BCAS3: variants seen among roughly 807,000 people sequenced by gnomAD.
The protein encoded by BCAS3 is BCAS4/BCAS3 fusion.
A neutral mutation model predicts 116.1 loss-of-function variants in BCAS3; 53 were observed. The observed-to-expected ratio is 0.46, with a 90% CI of 0.37 to 0.57. The LOEUF is 0.57. Ranked by LOEUF, BCAS3 falls within the 20% of genes least tolerant of loss-of-function variation. BCAS3 has a pLI of 0.00. For synonymous variants in BCAS3, 391 were observed against 408.2 expected, an observed-to-expected ratio of 0.96 and a Z score of 0.51; for missense variants, 917 against 1,165.4, an observed-to-expected ratio of 0.79 and a Z score of 3.10.
chr17:60,691,694 C>T (rs2034846371), intron 4 of BCAS3, among the ~76,000 whole-genome samples: 1 of 147,994 alleles, frequency 6.8e-6, no homozygotes, highest in Non-Finnish European at 1.5e-5. Context: ...TTGCCTTTTC[C>T]TTAAAGACTT....
intron 22 of BCAS3, among the ~76,000 whole-genome samples, chr17:61,099,963 C>G (rs959690492): frequency 6.6e-6 from 1 of 152,208 alleles, no homozygotes; most frequent in Non-Finnish European, 1.5e-5. Context: ...AGTTTAGTTA[C>G]TTGTACTTAT....
At chr17:61,296,240 A>G (rs1396357459) in intron 22 of BCAS3, among the ~76,000 whole-genome samples, 1 of 152,178 alleles carries the variant, frequency 6.6e-6, no homozygotes, top group East Asian at 1.9e-4. Context: ...GGTCATATGC[A>G]TTCTCCAAGT....
chr17:61,385,692 C>T (rs2059812225), intron 23 of BCAS3, among the ~76,000 whole-genome samples: 1 of 152,242 alleles, frequency 6.6e-6, no homozygotes, highest in Non-Finnish European at 1.5e-5. Flanking sequence ...CCCTGGGCCA[C>T]CCCGGAACCC....
chr17:60,771,348 A>G (rs2044685139), intron 6 of BCAS3, among the ~76,000 whole-genome samples: 1 of 151,972 alleles, frequency 6.6e-6, no homozygotes, highest in African/African-American at 2.4e-5. Context: ...CGGTATGGAG[A>G]CCAATACGTA....
intron 7 of BCAS3, among the ~76,000 whole-genome samples, chr17:60,812,845 T>G (rs577259753): frequency 1.3e-5 from 2 of 152,222 alleles, no homozygotes; most frequent in South Asian, 4.2e-4. Context: ...GCTCAAGAGA[T>G]CCTCCCATCT....
At position 61,141,479 on chromosome 17, in the gene BCAS3, G is replaced by A. The variant is rs2076911846; in HGVS notation, c.2425+56915G>A. ...AGGCTGAGGTGGAAGGATTCCTTGA[G>A]TCCAGGAGTTCGAGACTGCAGTGAG... On this transcript the variant is annotated intron_variant, in intron 22 of 23. Coordinates refer to ENST00000407086, the MANE Select transcript of BCAS3 (RefSeq NM_017679.5). The surrounding 1 kb of genome is among the most constrained non-coding windows in gnomAD (Gnocchi z 4.3). 6.6e-6 allele frequency among the ~76,000 whole-genome samples: 1 copy of A among 152,134 alleles called. No homozygotes were observed. The highest frequency in any genetic ancestry group is 6.5e-5 in the Admixed American group (1 of 15,278).
intron 23 of BCAS3, among the ~76,000 whole-genome samples, chr17:61,382,460 C>T (rs1166515982): frequency 2.0e-5 from 3 of 151,414 alleles, no homozygotes; most frequent in Admixed American, 6.6e-5. Context: ...TGGGGTTTCA[C>T]CATGTTGGTC....
At chr17:60,877,257 G>A (rs1399386608) in intron 9 of BCAS3, among the ~76,000 whole-genome samples, 1 of 151,924 alleles carries the variant, frequency 6.6e-6, no homozygotes, top group East Asian at 1.9e-4. Context: ...TCACATTGGG[G>A]TAAATCCAGA....
chr17:61,268,986 ATATACCCCATTTTCTTTATC>A (rs2050001319), intron 22 of BCAS3, among the ~76,000 whole-genome samples: 1 of 151,948 alleles, frequency 6.6e-6, no homozygotes, highest in South Asian at 2.1e-4. Flanking sequence ...ATATATATGT[ATATACCCCATTTTCTTTATC>A]CATTTATCCA....
chr17:61,386,706 G>A (rs1302871501), intron 23 of BCAS3, among the ~76,000 whole-genome samples: 1 of 151,846 alleles, frequency 6.6e-6, no homozygotes, highest in Non-Finnish European at 1.5e-5. Context: ...CAGGGCCTTT[G>A]ATTGGCCAGA....
At position 60,688,800 on chromosome 17, in the gene BCAS3, A is replaced by G. The variant is rs190081657; in HGVS notation, c.139-886A>G. 5 of 150,596 alleles carry G rather than the reference A, an allele frequency of 3.3e-5. No homozygotes were observed. The East Asian group carries it at 5.9e-4, about 18-fold the overall frequency. 9.3% of individuals were successfully genotyped at this position (150,596 alleles called of 1,614,324 possible). ...CACTGCACTCCAGCCTGGGTGATAG[A>G]GTGAGACTCTGTCTCAAAAAAAAAA... On this transcript the variant is annotated intron_variant, in intron 3 of 23. Coordinates refer to ENST00000407086, the MANE Select transcript of BCAS3 (RefSeq NM_017679.5).
chr17:61,060,470 T>C (rs2069893905), intron 19 of BCAS3, among the ~76,000 whole-genome samples: 1 of 152,068 alleles, frequency 6.6e-6, no homozygotes, highest in Non-Finnish European at 1.5e-5. Flanking sequence ...ATGATACATA[T>C]AGTGTTATGT....
intron 5 of BCAS3, among the ~76,000 whole-genome samples, chr17:60,723,287 G>A (rs1386355567): frequency 6.6e-6 from 1 of 151,972 alleles, no homozygotes; most frequent in Non-Finnish European, 1.5e-5. Flanking sequence ...GTGCAGTGGC[G>A]TGATTTCGCC....
intron 8 of BCAS3, among the ~76,000 whole-genome samples, chr17:60,871,591 TTTTGG>T (rs1268170027): frequency 6.6e-6 from 1 of 151,860 alleles, no homozygotes; most frequent in Non-Finnish European, 1.5e-5. Context: ...CCAGGGTTTT[TTTTGG>T]TTTGTTTTTG....
At chr17:61,292,023 A>G (rs1020841459) in intron 22 of BCAS3, among the ~76,000 whole-genome samples, 1 of 152,158 alleles carries the variant, frequency 6.6e-6, no homozygotes. Context: ...TATAAAAGGA[A>G]CAAGAGGTTC....
intron 6 of BCAS3, among the ~76,000 whole-genome samples, chr17:60,759,120 C>T (rs1403603840): frequency 1.3e-5 from 2 of 152,024 alleles, no homozygotes; most frequent in Non-Finnish European, 2.9e-5. Flanking sequence ...ACTACAGGCA[C>T]ATGCCACCAC....
chr17:61,094,808 C>T (rs563535007), intron 22 of BCAS3, among the ~76,000 whole-genome samples: 1 of 152,224 alleles, frequency 6.6e-6, no homozygotes, highest in East Asian at 1.9e-4. Flanking sequence ...CGTGCCATTG[C>T]ACTCCAGCCT....
At chr17:61,371,342 A>T (rs535375272) in intron 23 of BCAS3, among the ~76,000 whole-genome samples, 51 of 152,344 alleles carry the variant, frequency 3.3e-4, no homozygotes, top group Admixed American at 7.2e-4. Context: ...TGTGCACTCC[A>T]GCACCTGGTT....
In BCAS3 at chr17:61,227,667, C is replaced by T. The variant is rs2082438378; in HGVS notation, c.2426-140660C>T. 6.6e-6 allele frequency among the ~76,000 whole-genome samples: 1 copy of T among 152,198 alleles called. No individual in the cohort carries two copies. The highest frequency in any genetic ancestry group is 1.5e-5 in the Non-Finnish European group (1 of 68,040). ...GGGCATAGGTCCTGTTAATTTACACCAGCCCATCAGGTTGGAGCACACTCG... is the reference window on the plus strand; with the variant it reads ...GGGCATAGGTCCTGTTAATTTACACTAGCCCATCAGGTTGGAGCACACTCG... On this transcript the variant is annotated intron_variant, in intron 22 of 23. Coordinates refer to ENST00000407086, the MANE Select transcript of BCAS3 (RefSeq NM_017679.5). The surrounding 1 kb of genome is among the most constrained non-coding windows in gnomAD (Gnocchi z 6.1).
Sources: gnomAD v4.1 joint callset for allele counts (sites outside exome capture counted in the v4.1 genomes callset) on GRCh38, gnomAD v4.1.1 for gene constraint, Gnocchi (gnomAD v3.1) non-coding constraint, MANE v1.5 for transcripts, NCBI Gene and HGNC (gene_info 2026-07-23, HGNC 2026-07-21) for gene names.